Variants in OR5T1 observed in about 807,000 individuals in gnomAD.
The protein encoded by OR5T1 is olfactory receptor 5T1.
OR5T1 carries 14 observed loss-of-function variants against 10.1 expected under a neutral mutation model. The observed-to-expected ratio is 1.39, with a 90% CI of 0.92 to 2.18. The LOEUF (loss-of-function observed/expected upper bound fraction) is 2.18. Among genes scored for constraint, OR5T1 ranks in the 30% most tolerant of loss-of-function variants. The pLI is 0.00. For synonymous variants in OR5T1, 166 were observed against 141.2 expected (o/e 1.18, Z -1.24); for missense variants, 461 against 383.9 (o/e 1.20, Z -1.68).
chr11:56,276,701 T>C lies in OR5T1; in HGVS notation c.*82T>C. On this transcript the variant is annotated 3_prime_UTR_variant, in exon 3 of 3. Coordinates refer to ENST00000641665, the MANE Select transcript of OR5T1 (RefSeq NM_001004745.2). Reference sequence around the variant, plus strand: ...TCAGAAAGTAGAGAAGAAAATGTGTTTCTTTTAGTTAACAGTGCTTGTAAC... The same window carrying C: ...TCAGAAAGTAGAGAAGAAAATGTGTCTCTTTTAGTTAACAGTGCTTGTAAC... The C allele has an allele frequency of 1.0e-6, 1 of 1,003,862 alleles. No homozygotes were observed. Among genetic ancestry groups the C allele is most frequent in the Non-Finnish European group, 1.5e-6 (1 of 679,348 alleles). The allele number at this position is 1,003,862 out of a possible 1,614,324, so 62.2% of individuals were successfully genotyped here.
chr11:56,275,667 T>C lies in OR5T1; in HGVS notation c.29T>C (p.Leu10Pro), dbSNP rs1161736004. Residue 10 changes from leucine (L) to proline (P), a missense_variant, in exon 3 of 3, where the codon CTA (leucine) becomes CCA (proline). Leu to Pro is a moderately conservative substitution (Grantham distance 98). Transcript: ENST00000641665. MSGLPSDMD[L>P]YKLQLNNFTE... ...TCAGGGTTGCCTTCAGATATGGATC[T>C]ATACAAGCTTCAATTAAACAATTTT... The C allele has an allele frequency of 2.5e-6, 4 of 1,599,876 alleles. No individual in the cohort carries two copies. The highest frequency in any genetic ancestry group is 3.4e-6 in the Non-Finnish European group (4 of 1,174,228).
rs149057096 is a variant in OR5T1, at chr11:56,276,477, C to T, written c.839C>T (p.Ser280Leu). ...MYVRPSSSYT[S>L]DNDMIVSIFY... ...GTGAGACCAAGTTCCAGCTACACTT[C>T]GGACAATGACATGATAGTGTCAATA... is the stretch of plus-strand genomic sequence containing the variant. Residue 280 changes from serine to leucine, a missense_variant, in exon 3 of 3, where the codon TCG becomes TTG. Coordinates refer to ENST00000641665, the MANE Select transcript of OR5T1 (RefSeq NM_001004745.2). 89 of 1,613,882 alleles carry T rather than the reference C, an allele frequency of 5.5e-5. No individual in the cohort carries two copies. Among genetic ancestry groups the T allele is most frequent in the South Asian group, 3.4e-4 (31 of 91,072 alleles).
chr11:56,275,887 C>A lies in OR5T1; in HGVS notation c.249C>A (p.Val83=), dbSNP rs773745147. Residue 83 remains valine (V), a synonymous_variant, in exon 3 of 3, where the codon GTC becomes GTA. Coordinates refer to ENST00000641665, the MANE Select transcript of OR5T1 (RefSeq NM_001004745.2). ...TTGGTGTTTTATCATTCTTGGATGT[C>A]TGCTATTCTACAGTTGTCACTCCAA... The part of the protein sequence containing the change: ...YFLGVLSFLD[V]CYSTVVTPKM... 6.2e-7 allele frequency: 1 copy of A among 1,614,148 alleles called. No individual in the cohort carries two copies. Among genetic ancestry groups the A allele is most frequent in the South Asian group, 1.1e-5 (1 of 91,080 alleles).
At position 56,276,607 on chromosome 11, in the gene OR5T1, A is replaced by G. The variant is rs761863841; in HGVS notation, c.969A>G (p.Ile323Met). The change falls in exon 3 of 3, where the codon ATA becomes ATG. Residue 323 changes from isoleucine (I) to methionine (M), a missense_variant. By Grantham distance (10) the Ile-to-Met change is conservative (BLOSUM62 1). Transcript: ENST00000641665. ...IKRLLVRNWF[I>M]NKL is the part of the protein sequence containing the mutation. ...GATTGCTTGTGAGAAATTGGTTCAT[A>G]AATAAGTTATAGTTTTAAAATTGAG... 9 of 1,607,164 alleles carry G rather than the reference A, an allele frequency of 5.6e-6. No individual in the cohort carries two copies. Among genetic ancestry groups the G allele is most frequent in the Middle Eastern group, 1.7e-4 (1 of 6,054 alleles).
At position 56,275,789 on chromosome 11, in the gene OR5T1, C is replaced by G. The variant is rs1376780712; in HGVS notation, c.151C>G (p.Leu51Val). Residue 51 changes from leucine to valine, a missense_variant, in exon 3 of 3, where the codon CTA becomes GTA. Leu to Val is a conservative substitution (Grantham distance 32). Transcript: ENST00000641665. ...ATTTTTAGCAATCTATCTATTCACT[C>G]TAATAGGCAATTTAGGGCTGGTTGT... ...LLFLAIYLFT[L>V]IGNLGLVVPI... The G allele has an allele frequency of 5.6e-6, 9 of 1,613,046 alleles. No individual in the cohort carries two copies. The highest frequency in any genetic ancestry group is 7.6e-6 in the Non-Finnish European group (9 of 1,179,056).
intron 1 of OR5T1, 86 bp from the exon 2 acceptor site, chr11:56,274,549 AT>A (rs1853912956): frequency 6.6e-6 from 1 of 152,164 alleles, no homozygotes; most frequent in Non-Finnish European, 1.5e-5. Context: ...CACGTCTGAT[AT>A]TGGTTTTAAG....
Position 56,276,104 on chromosome 11 carries a change from C to G in OR5T1, c.466C>G (p.Leu156Val). ...CATGTCACCCAGAGTCTATGTGCCACTCATCACTGCTTCCTATGTTGCTAG... is the reference window on the plus strand; with the variant it reads ...CATGTCACCCAGAGTCTATGTGCCAGTCATCACTGCTTCCTATGTTGCTAG... Reference protein sequence around the residue: ...VSMSPRVYVPLITASYVASIL... With the variant: ...VSMSPRVYVPVITASYVASIL... The change falls in exon 3 of 3, where the codon CTC becomes GTC. Residue 156 changes from leucine (L) to valine (V), a missense_variant. Physicochemically the swap from Leu to Val is conservative, Grantham distance 32 (BLOSUM62 1). Transcript: ENST00000641665. 6.2e-7 allele frequency: 1 copy of G among 1,614,156 alleles called. No individual in the cohort carries two copies. The highest frequency in any genetic ancestry group is 8.5e-7 in the Non-Finnish European group (1 of 1,180,038).
Position 56,275,574 on chromosome 11 carries a change from G to A in OR5T1, c.-65G>A. On this transcript the variant is annotated 5_prime_UTR_variant, in exon 3 of 3. Coordinates refer to ENST00000641665, the MANE Select transcript of OR5T1 (RefSeq NM_001004745.2). ...TGCTTTTCCAAGAAACGAACATGAG[G>A]ATATAATTGGATAAACTTAATTTTC... The A allele has an allele frequency of 1.6e-6, 2 of 1,265,758 alleles. No individual in the cohort carries two copies. Among genetic ancestry groups the A allele is most frequent in the Non-Finnish European group, 2.2e-6 (2 of 912,110 alleles). 78.4% of individuals were successfully genotyped at this position (1,265,758 alleles called of 1,614,324 possible). A position where few individuals can be genotyped will look rare whatever the true frequency, so the allele number is the denominator to read the frequency against.
Position 56,276,413 on chromosome 11 carries a change from G to A in OR5T1, c.775G>A (p.Gly259Arg), listed in dbSNP as rs768071730. Residue 259 changes from glycine to arginine, a missense_variant, in exon 3 of 3, where the codon GGA becomes AGA. Physicochemically the swap from Gly to Arg is moderately radical, Grantham distance 125. Coordinates refer to ENST00000641665, the MANE Select transcript of OR5T1 (RefSeq NM_001004745.2). ...VFSTCGAHLT[G>R]VTIYHGTILF... ...CTCTACATGTGGAGCTCACCTAACTGGAGTGACAATTTATCATGGGACAAT... is the reference window on the plus strand; with the variant it reads ...CTCTACATGTGGAGCTCACCTAACTAGAGTGACAATTTATCATGGGACAAT... 9.3e-5 allele frequency: 150 copies of A among 1,613,938 alleles called. No homozygotes were observed. The highest frequency in any genetic ancestry group is 1.2e-4 in the Non-Finnish European group (145 of 1,179,984).
At position 56,275,647 on chromosome 11, in the gene OR5T1, G is replaced by T. The variant is rs762449534; in HGVS notation, c.9G>T (p.Gly3=). The T allele has an allele frequency of 2.4e-5, 38 of 1,567,394 alleles. No individual in the cohort carries two copies. Among genetic ancestry groups the T allele is most frequent in the South Asian group, 3.6e-5 (3 of 82,218 alleles). Residue 3 remains glycine (G), a synonymous_variant, in exon 3 of 3, where the codon GGG becomes GGT. Coordinates refer to ENST00000641665, the MANE Select transcript of OR5T1 (RefSeq NM_001004745.2). ...TATAAACAATAGCTAAAATGTCAGG[G>T]TTGCCTTCAGATATGGATCTATACA... is the stretch of plus-strand genomic sequence containing the variant. MS[G]LPSDMDLYKL...
Position 56,276,677 on chromosome 11 carries a change from C to A in OR5T1, c.*58C>A. The A allele has an allele frequency of 8.1e-7, 1 of 1,237,050 alleles. No homozygotes were observed. The highest frequency in any genetic ancestry group is 1.1e-6 in the Non-Finnish European group (1 of 877,394). 76.6% of individuals were successfully genotyped at this position (1,237,050 alleles called of 1,614,324 possible). On this transcript the variant is annotated 3_prime_UTR_variant, in exon 3 of 3. Coordinates refer to ENST00000641665, the MANE Select transcript of OR5T1 (RefSeq NM_001004745.2). ...GGGTGTCAGTCCACATCTCTATGGT[C>A]AGAAAGTAGAGAAGAAAATGTGTTT...
intron 2 of OR5T1, among the ~76,000 whole-genome samples, chr11:56,275,153 T>A (rs186676797): frequency 1.7e-3 from 254 of 152,344 alleles, no homozygotes; most frequent in African/African-American, 5.9e-3. Context: ...CTGGGGTACA[T>A]GTGCAGAATG....
chr11:56,275,278 C>A (rs1034793838), intron 2 of OR5T1, among the ~76,000 whole-genome samples: 1 of 152,166 alleles, frequency 6.6e-6, no homozygotes. Context: ...TCCCACCCTC[C>A]GACCGGCCCT....
At position 56,276,065 on chromosome 11, in the gene OR5T1, C is replaced by T. The variant is rs367855114; in HGVS notation, c.427C>T (p.Leu143=). ...CTATGTAGCCATCTACAACCCTCTC[C>T]TGTATTCAGTGAGCATGTCACCCAG... The part of the protein sequence containing the change: ...DRYVAIYNPL[L]YSVSMSPRVY... The change falls in exon 3 of 3, where the codon CTG becomes TTG. Residue 143 remains leucine, a synonymous_variant. Transcript: ENST00000641665. 4.3e-6 allele frequency: 7 copies of T among 1,614,210 alleles called. No individual in the cohort carries two copies. The African/African-American group carries it at 9.3e-5, about 22-fold the overall frequency.
In OR5T1 at chr11:56,275,568, C is replaced by T; in HGVS notation, c.-71C>T. The T allele has an allele frequency of 2.4e-6, 3 of 1,238,060 alleles. No homozygotes were observed. The highest frequency in any genetic ancestry group is 2.2e-6 in the Non-Finnish European group (2 of 892,532). 76.7% of individuals were successfully genotyped at this position (1,238,060 alleles called of 1,614,324 possible). A position where few individuals can be genotyped will look rare whatever the true frequency, so the allele number is the denominator to read the frequency against. On this transcript the variant is annotated 5_prime_UTR_variant, in exon 3 of 3. Transcript: ENST00000641665. ...TCATCTTGCTTTTCCAAGAAACGAA[C>T]ATGAGGATATAATTGGATAAACTTA...
At chr11:56,274,994 T>A (rs190172114) in intron 2 of OR5T1, among the ~76,000 whole-genome samples, 1 of 152,322 alleles carries the variant, frequency 6.6e-6, no homozygotes, top group Non-Finnish European at 1.5e-5. Flanking sequence ...AATAAAGTAA[T>A]TCAATGGACT....
At chr11:56,274,488 A>G (rs1299885070) in intron 1 of OR5T1, 148 bp from the exon 2 acceptor site, 3 of 152,194 alleles carry the variant, frequency 2.0e-5, no homozygotes, top group African/African-American at 7.2e-5. Flanking sequence ...TGTCACAAAA[A>G]TACACCCAAG....
chr11:56,274,577 A>G lies in OR5T1; in HGVS notation c.-271-59A>G, dbSNP rs563946274. ...GGTTTTAAGTTAAAATCTGAAAAAT[A>G]ATAATGCTTAAAAAAACTGCACAGG... On this transcript the variant is annotated intron_variant, in intron 1 of 2. Coordinates refer to ENST00000641665, the MANE Select transcript of OR5T1 (RefSeq NM_001004745.2). The G allele has an allele frequency of 2.0e-5, 3 of 152,306 alleles. No individual in the cohort carries two copies. The East Asian group carries it at 5.8e-4, about 29-fold the overall frequency. 9.4% of individuals were successfully genotyped at this position (152,306 alleles called of 1,614,324 possible).
rs1219918440 is a variant in OR5T1 at position 56,276,004 on chromosome 11, A to G, written c.366A>G (p.Thr122=). The G allele has an allele frequency of 7.4e-6, 12 of 1,614,062 alleles. No homozygotes were observed. Among genetic ancestry groups the G allele is most frequent in the Non-Finnish European group, 1.0e-5 (12 of 1,180,050 alleles). Residue 122 remains threonine, a synonymous_variant, in exon 3 of 3, where the codon ACA becomes ACG. Coordinates refer to ENST00000641665, the MANE Select transcript of OR5T1 (RefSeq NM_001004745.2). ...QMFLACTFGT[T]ECFLLAAMAY... Reference sequence around the variant, plus strand: ...TTCTTGCTTGTACTTTTGGAACCACAGAATGCTTTCTCTTGGCTGCAATGG... The same window carrying G: ...TTCTTGCTTGTACTTTTGGAACCACGGAATGCTTTCTCTTGGCTGCAATGG...
Sources: allele counts gnomAD v4.1 joint callset (sites outside exome capture counted in the v4.1 genomes callset), GRCh38; gene constraint gnomAD v4.1.1; transcripts MANE v1.5; gene names NCBI Gene and HGNC (gene_info 2026-07-23, HGNC 2026-07-21).